The following TBC1D5 variants were observed in gnomAD, a reference collection of about 807,000 sequenced individuals.
TBC1D5 encodes TBC1 domain family member 5.
In TBC1D5, 75 loss-of-function variants were observed where a neutral mutation model predicts 100.3. That is an observed-to-expected ratio of 0.75 (90% CI 0.62 to 0.91). The LOEUF is 0.91. TBC1D5 is among the 40% of genes least tolerant of loss of function. TBC1D5 has a pLI of 0.00. For synonymous variants in TBC1D5, 323 were observed against 325.6 expected, an observed-to-expected ratio of 0.99 and a Z score of 0.09; for missense variants, 910 against 942.4, an observed-to-expected ratio of 0.97 and a Z score of 0.45.
intron 18 of TBC1D5, among the ~76,000 whole-genome samples, chr3:17,202,983 C>A (rs1452730272): frequency 6.6e-6 from 1 of 152,194 alleles, no homozygotes; most frequent in Non-Finnish European, 1.5e-5. Context: ...GGAGTTGTGA[C>A]AAGAGGGCCA....
chr3:17,275,384 G>GA lies in TBC1D5; in HGVS notation c.1245+16510dup, dbSNP rs1423897435. Among the ~76,000 whole-genome samples, 5 of 151,704 alleles carry GA rather than the reference G, an allele frequency of 3.3e-5. No individual in the cohort carries two copies. In the East Asian group the frequency reaches 5.8e-4, roughly 18 times the overall value. ...CAAGAAACCGTCTCTACGAAAGAGT[G>GA]AAAAAAAATTAGCCAGGTGTAGTGG... On this transcript the variant is annotated intron_variant, in intron 15 of 21. Transcript: ENST00000253692.
intron 1 of TBC1D5, chr3:17,706,207 C>A: frequency 6.4e-7 from 1 of 1,551,208 alleles, no homozygotes. Flanking sequence ...GGCATCGCGG[C>A]GAGGCCCAGG....
intron 1 of TBC1D5, among the ~76,000 whole-genome samples, chr3:17,680,559 T>A (rs1190489698): frequency 6.6e-6 from 1 of 151,330 alleles, no homozygotes; most frequent in Admixed American, 6.6e-5. Context: ...TTCCTATATA[T>A]GATCTTTTTA....
intron 19 of TBC1D5, among the ~76,000 whole-genome samples, chr3:17,176,630 T>C (rs2067766066): frequency 6.6e-6 from 1 of 151,900 alleles, no homozygotes; most frequent in Non-Finnish European, 1.5e-5. Context: ...GAGGGGAACA[T>C]CATACACTGG....
chr3:17,416,037 C>T (rs553890503), intron 4 of TBC1D5, among the ~76,000 whole-genome samples: 10 of 152,232 alleles, frequency 6.6e-5, no homozygotes, highest in East Asian at 3.9e-4. Context: ...ATTTATTTAG[C>T]GAAACCTGAT....
At chr3:17,681,591 T>C (rs2069483931) in intron 1 of TBC1D5, among the ~76,000 whole-genome samples, 1 of 151,694 alleles carries the variant, frequency 6.6e-6, no homozygotes, top group Non-Finnish European at 1.5e-5. Context: ...CTGCCAACTT[T>C]ATCAACATAT....
chr3:17,325,059 T>C (rs929510379), intron 13 of TBC1D5, among the ~76,000 whole-genome samples: 9 of 150,042 alleles, frequency 6.0e-5, no homozygotes, highest in African/African-American at 1.8e-4. Context: ...CTGTTTCTTA[T>C]AAAGTTGAAC....
exon 21 of TBC1D5, chr3:17,166,794 G>C (rs2066645746): frequency 6.2e-7 from 1 of 1,613,316 alleles, no homozygotes; most frequent in African/African-American, 1.3e-5. Context: ...ACATTTGAAC[G>C]CTCTGGCCTT....
chr3:17,705,934 C>G (rs925757338), intron 1 of TBC1D5: 8 of 1,161,796 alleles, frequency 6.9e-6, no homozygotes, highest in Non-Finnish European at 9.5e-6. Flanking sequence ...GGCCCGTCCG[C>G]TCCTCCAGCC....
chr3:17,586,516 T>G (rs2096734092), intron 2 of TBC1D5: 1 of 152,052 alleles, frequency 6.6e-6, no homozygotes, highest in Non-Finnish European at 1.5e-5. Context: ...AGAGACAAAC[T>G]AAGTTCTCCC....
intron 2 of TBC1D5, among the ~76,000 whole-genome samples, chr3:17,549,945 T>G (rs903325654): frequency 2.0e-5 from 3 of 149,878 alleles, no homozygotes; most frequent in Admixed American, 6.7e-5. Flanking sequence ...ATAATAATAA[T>G]AATAATAGTA....
At chr3:17,310,596 G>A (rs2083915394) in intron 13 of TBC1D5, among the ~76,000 whole-genome samples, 2 of 152,000 alleles carry the variant, frequency 1.3e-5, no homozygotes, top group African/African-American at 2.4e-5. Context: ...TAACCCCACT[G>A]TAAAGCCACC....
At chr3:17,290,969 A>G (rs1052805879) in intron 15 of TBC1D5, among the ~76,000 whole-genome samples, 1 of 152,242 alleles carries the variant, frequency 6.6e-6, no homozygotes, top group Non-Finnish European at 1.5e-5. Flanking sequence ...ACAACCAAGG[A>G]AAGGACAGAA....
intron 3 of TBC1D5, among the ~76,000 whole-genome samples, chr3:17,438,538 G>A (rs1047167431): frequency 8.5e-5 from 13 of 152,154 alleles, no homozygotes; most frequent in African/African-American, 3.1e-4. Context: ...CTCTCCTGCT[G>A]CCATGTGAAG....
intron 15 of TBC1D5, among the ~76,000 whole-genome samples, chr3:17,262,459 T>C (rs1559509955): frequency 6.6e-6 from 1 of 151,246 alleles, no homozygotes; most frequent in Non-Finnish European, 1.5e-5. Flanking sequence ...TCAACTATCA[T>C]GAGCATTTCC....
intron 1 of TBC1D5, among the ~76,000 whole-genome samples, chr3:17,661,941 T>C (rs2066702247): frequency 6.6e-6 from 1 of 152,010 alleles, no homozygotes. Flanking sequence ...CCCAGGCTGC[T>C]GTGCAGTGGC....
chr3:17,521,975 T>C (rs1447328866), intron 2 of TBC1D5, among the ~76,000 whole-genome samples: 1 of 152,130 alleles, frequency 6.6e-6, no homozygotes, highest in Non-Finnish European at 1.5e-5. Context: ...TTAACTTGGA[T>C]ACATGAGCCA....
intron 17 of TBC1D5, among the ~76,000 whole-genome samples, chr3:17,227,829 G>A (rs1301566127): frequency 1.3e-5 from 2 of 150,166 alleles, no homozygotes; most frequent in Non-Finnish European, 3.0e-5. Flanking sequence ...GCCTGCACAT[G>A]TACCACTGAA....
At chr3:17,308,038 T>C (rs1477820709) in exon 14 of TBC1D5, 3 of 1,610,640 alleles carry the variant, frequency 1.9e-6, no homozygotes, top group Non-Finnish European at 1.7e-6. Context: ...TATAATCTAC[T>C]AAACCCAGGC....
Sources: gnomAD v4.1 joint callset for allele counts (sites outside exome capture counted in the v4.1 genomes callset) on GRCh38, gnomAD v4.1.1 for gene constraint, MANE v1.5 for transcripts, NCBI Gene and HGNC (gene_info 2026-07-23, HGNC 2026-07-21) for gene names.